Variants in RABGAP1L observed in about 807,000 individuals in gnomAD.
The protein encoded by RABGAP1L is rab GTPase-activating protein 1-like.
A neutral mutation model predicts 137.7 loss-of-function variants in RABGAP1L; 63 were observed. The ratio of observed to expected loss-of-function variants is 0.46; its 90% confidence interval spans 0.37 to 0.56. The LOEUF is 0.56. Ranked by LOEUF, RABGAP1L falls within the 20% of genes least tolerant of loss-of-function variation. The probability of loss-of-function intolerance (pLI) is 0.00; values close to 1 mark genes in which losing one functional copy is unlikely to be tolerated. For missense variants in RABGAP1L, 1,095 were observed against 1,244.0 expected, an observed-to-expected ratio of 0.88 and a Z score of 1.80; for synonymous variants, 431 against 433.7, an observed-to-expected ratio of 0.99 and a Z score of 0.08.
intron 1 of RABGAP1L, among the ~76,000 whole-genome samples, chr1:174,186,686 A>G (rs1666829083): frequency 6.6e-6 from 1 of 152,240 alleles, no homozygotes; most frequent in Admixed American, 6.5e-5. Context: ...TGTAAAGGAA[A>G]GGGAGAGAAT....
intron 13 of RABGAP1L, among the ~76,000 whole-genome samples, chr1:174,458,317 TCAGAAAAAAATTTA>T (rs1163376552): frequency 2.0e-5 from 3 of 151,696 alleles, no homozygotes; most frequent in Admixed American, 6.6e-5. Context: ...AAAAAATTTT[TCAGAAAAAAATTTA>T]CAGAAAAAAA....
At chr1:174,368,747 G>A (rs774057740) in intron 11 of RABGAP1L, among the ~76,000 whole-genome samples, 2 of 151,998 alleles carry the variant, frequency 1.3e-5, no homozygotes, top group African/African-American at 2.4e-5. Context: ...ACTCTATACC[G>A]TCATAGATTT....
chr1:174,976,543 G>A (rs1670654069), intron 22 of RABGAP1L, among the ~76,000 whole-genome samples: 1 of 152,172 alleles, frequency 6.6e-6, no homozygotes, highest in African/African-American at 2.4e-5. Flanking sequence ...TGACTTCTCT[G>A]AAGTAGTTTA....
intron 13 of RABGAP1L, among the ~76,000 whole-genome samples, chr1:174,619,783 A>G (rs891917827): frequency 6.6e-5 from 10 of 152,236 alleles, no homozygotes; most frequent in African/African-American, 2.4e-4. Context: ...AAATTCACAG[A>G]TAACAATATT....
At position 174,750,934 on chromosome 1, in the gene RABGAP1L, T is replaced by G. The variant is rs569350866; in HGVS notation, c.2170-1379T>G. On this transcript the variant is annotated intron_variant, in intron 17 of 25. Coordinates refer to ENST00000681986, the MANE Select transcript of RABGAP1L (RefSeq NM_001366446.1). ...TGGGCAGCAGCTAGTGGGTGAGAAG[T>G]CAAATTTTGATTCAGAAAGCAAATT... Among the ~76,000 whole-genome samples, 42 of 152,306 alleles carry G rather than the reference T, an allele frequency of 2.8e-4. No homozygotes were observed. The South Asian group carries it at 6.2e-3, about 23-fold the overall frequency.
At chr1:174,220,704 G>C (rs1047150554) in intron 2 of RABGAP1L, 3 of 229,072 alleles carry the variant, frequency 1.3e-5, no homozygotes, top group African/African-American at 6.8e-5. Flanking sequence ...ATACATCTCT[G>C]TAAATAGGAT....
chr1:174,721,771 T>C (rs1666927737), intron 17 of RABGAP1L, among the ~76,000 whole-genome samples: 2 of 152,212 alleles, frequency 1.3e-5, no homozygotes, highest in Admixed American at 1.3e-4. Flanking sequence ...TTGCACTGAG[T>C]TGATAAATGG....
chr1:174,783,924 G>A (rs1460827484), intron 18 of RABGAP1L, among the ~76,000 whole-genome samples: 1 of 149,614 alleles, frequency 6.7e-6, no homozygotes, highest in Non-Finnish European at 1.5e-5. Context: ...TGGCCAGGAT[G>A]GTCTCCATCT....
At chr1:174,633,562 G>A (rs906914963) in intron 13 of RABGAP1L, among the ~76,000 whole-genome samples, 1 of 145,676 alleles carries the variant, frequency 6.9e-6, no homozygotes, top group Non-Finnish European at 1.5e-5. Flanking sequence ...CCAAAAAAGA[G>A]CCTGCATCAC....
intron 1 of RABGAP1L, among the ~76,000 whole-genome samples, chr1:174,216,616 C>T (rs1669346531): frequency 7.2e-6 from 1 of 139,288 alleles, no homozygotes; most frequent in Non-Finnish European, 1.5e-5. Context: ...GTGGTATAAT[C>T]ATCCAATACA....
intron 13 of RABGAP1L, among the ~76,000 whole-genome samples, chr1:174,436,775 G>GT (rs1653382844): frequency 6.6e-6 from 1 of 152,156 alleles, no homozygotes; most frequent in Non-Finnish European, 1.5e-5. Flanking sequence ...GCCTCCTCAA[G>GT]TGGGTCCCTG....
intron 13 of RABGAP1L, among the ~76,000 whole-genome samples, chr1:174,574,865 C>T (rs183752320): frequency 6.6e-6 from 1 of 152,280 alleles, no homozygotes; most frequent in East Asian, 1.9e-4. Flanking sequence ...AGCTTTTCAT[C>T]AGGTGGAAGG....
At chr1:174,670,508 TCC>T (rs1677092914) in intron 14 of RABGAP1L, among the ~76,000 whole-genome samples, 1 of 152,160 alleles carries the variant, frequency 6.6e-6, no homozygotes, top group Non-Finnish European at 1.5e-5. Flanking sequence ...CTTCTTTTTT[TCC>T]GATTAATCAT....
intron 1 of RABGAP1L, among the ~76,000 whole-genome samples, chr1:174,173,656 T>A (rs1237195723): frequency 6.6e-6 from 1 of 152,224 alleles, no homozygotes; most frequent in Non-Finnish European, 1.5e-5. Flanking sequence ...GTCGTTTTTT[T>A]TTCAACAAGT....
chr1:174,858,797 G>T (rs950272944), intron 19 of RABGAP1L, among the ~76,000 whole-genome samples: 2 of 152,108 alleles, frequency 1.3e-5, no homozygotes. Flanking sequence ...AAACAAAAAA[G>T]AAAGCAAAAG....
chr1:174,973,972 GTTTTTTGTTTTTTTTTT>G (rs1287557617), intron 21 of RABGAP1L, among the ~76,000 whole-genome samples: 10 of 94,232 alleles, frequency 1.1e-4, no homozygotes, highest in African/African-American at 4.8e-4. Flanking sequence ...CAGTACAATT[GTTTTTTGTTTTTTTTTT>G]TTTTTTTTTT....
At chr1:174,347,056 T>C (rs962552782) in intron 11 of RABGAP1L, among the ~76,000 whole-genome samples, 4 of 152,224 alleles carry the variant, frequency 2.6e-5, no homozygotes, top group Non-Finnish European at 5.9e-5. Flanking sequence ...TTTTTAGTTT[T>C]ATTTAGTTGT....
chr1:174,970,081 G>T (rs1202275238), intron 21 of RABGAP1L, among the ~76,000 whole-genome samples: 1 of 152,194 alleles, frequency 6.6e-6, no homozygotes, highest in Non-Finnish European at 1.5e-5. Context: ...GATATGGAAG[G>T]TAGAAAAAGC....
intron 17 of RABGAP1L, among the ~76,000 whole-genome samples, chr1:174,719,233 C>T (rs1267930789): frequency 6.6e-6 from 1 of 152,062 alleles, no homozygotes; most frequent in Non-Finnish European, 1.5e-5. Context: ...ATCTATTTTT[C>T]TCCAAGAATT....
Sources: allele counts gnomAD v4.1 joint callset (sites outside exome capture counted in the v4.1 genomes callset), GRCh38; gene constraint gnomAD v4.1.1; transcripts MANE v1.5; gene names NCBI Gene and HGNC (gene_info 2026-07-23, HGNC 2026-07-21).